Variants in PLAC1 observed in about 807,000 individuals in gnomAD.
PLAC1 encodes the protein placenta associated 1.
For missense variants in PLAC1, 136 were observed against 163.2 expected (o/e 0.83, Z 0.91); for synonymous variants, 68 against 62.1 (o/e 1.09, Z -0.44).
At chrX:134,602,869 G>T (rs886292133) in intron 1 of PLAC1, among the ~76,000 whole-genome samples, 1 of 109,894 alleles carries the variant, frequency 9.1e-6, no homozygotes, top group Non-Finnish European at 1.9e-5. Context: ...TCTATATCAT[G>T]ATTGTGGTGG....
chrX:134,621,071 C>T (rs1044842361), intron 1 of PLAC1, among the ~76,000 whole-genome samples: 5 of 111,338 alleles, frequency 4.5e-5, no homozygotes, highest in African/African-American at 1.6e-4. Context: ...CTTGCCAGAC[C>T]AGTTTGTTTT....
At chrX:134,571,974 A>G (rs1397798004) in intron 2 of PLAC1, among the ~76,000 whole-genome samples, 1 of 111,813 alleles carries the variant, frequency 8.9e-6, no homozygotes, top group Non-Finnish European at 1.9e-5. Flanking sequence ...TATCATTTGT[A>G]TATTGTTTTC....
chrX:134,602,397 T>C (rs73566616), intron 1 of PLAC1, among the ~76,000 whole-genome samples: 1 of 112,058 alleles, frequency 8.9e-6, no homozygotes, highest in Non-Finnish European at 1.9e-5. Context: ...TCTAAAACTG[T>C]GACTAAAGAA....
chrX:134,700,955 C>A (rs1312937477), intron 2 of PLAC1, among the ~76,000 whole-genome samples: 2 of 111,493 alleles, frequency 1.8e-5, no homozygotes, highest in Non-Finnish European at 3.8e-5. Context: ...TCACATGGAA[C>A]CAAAAAAGAG....
At position 134,582,223 on chromosome X, in the gene PLAC1, A is replaced by G. The variant is rs144161022; in HGVS notation, c.-58-15483T>C. 2.9e-3 allele frequency among the ~76,000 whole-genome samples: 332 copies of G among 112,551 alleles called. 7 individuals are homozygous for G. The highest frequency in any genetic ancestry group is 0.01 in the African/African-American group (312 of 30,986). ...GTTCTGCTAAGAAACTAGGGAGCAA[A>G]GAGCTGATTAAAGAAGGTCATGTTT... is the stretch of plus-strand genomic sequence containing the variant. On this transcript the variant is annotated intron_variant, in intron 2 of 2. Coordinates refer to ENST00000359237, the MANE Select transcript of PLAC1 (RefSeq NM_021796.4).
intron 2 of PLAC1, among the ~76,000 whole-genome samples, chrX:134,730,447 A>C (rs1224496793): frequency 9.0e-6 from 1 of 110,652 alleles, no homozygotes; most frequent in Non-Finnish European, 1.9e-5. Flanking sequence ...ACTCAAGATG[A>C]ATTCTTTTTT....
At chrX:134,604,953 TAGTC>T (rs1180708501) in intron 1 of PLAC1, among the ~76,000 whole-genome samples, 3 of 111,790 alleles carry the variant, frequency 2.7e-5, no homozygotes, top group Non-Finnish European at 3.8e-5. Flanking sequence ...CTTGAGCTGA[TAGTC>T]AGAGCAGGCA....
chrX:134,678,045 A>G (rs1158939972), intron 2 of PLAC1, among the ~76,000 whole-genome samples: 2 of 111,725 alleles, frequency 1.8e-5, no homozygotes, highest in African/African-American at 3.3e-5. Context: ...GGATGGAGAC[A>G]GTGCCTCTCC....
chrX:134,697,965 A>C (rs760987681), intron 2 of PLAC1, among the ~76,000 whole-genome samples: 2 of 112,337 alleles, frequency 1.8e-5, no homozygotes, highest in Non-Finnish European at 3.8e-5. Context: ...TGATGTCTTC[A>C]TACTATATAG....
intron 2 of PLAC1, among the ~76,000 whole-genome samples, chrX:134,717,023 C>T (rs550953140): frequency 1.8e-5 from 2 of 111,994 alleles, no homozygotes; most frequent in South Asian, 7.5e-4. Context: ...ATCTTGTATA[C>T]CAACTCCAAG....
chrX:134,572,444 G>A (rs1306957970), intron 2 of PLAC1, among the ~76,000 whole-genome samples: 1 of 112,059 alleles, frequency 8.9e-6, no homozygotes, highest in East Asian at 2.8e-4. Context: ...TAAAGACGCT[G>A]AGACCGGTTT....
At chrX:134,640,127 A>G (rs1411616840) in intron 1 of PLAC1, among the ~76,000 whole-genome samples, 1 of 111,640 alleles carries the variant, frequency 9.0e-6, no homozygotes, top group Non-Finnish European at 1.9e-5. Context: ...TGGTAATTCC[A>G]TGTTTAACTT....
chrX:134,614,579 G>C (rs1023835831), intron 1 of PLAC1, among the ~76,000 whole-genome samples: 11 of 107,382 alleles, frequency 1.0e-4, no homozygotes, highest in Non-Finnish European at 1.7e-4. Flanking sequence ...AGGCTGAATA[G>C]TATTCTGTAT....
intron 1 of PLAC1, among the ~76,000 whole-genome samples, chrX:134,744,468 A>C (rs1037846346): frequency 5.4e-5 from 6 of 111,081 alleles, no homozygotes; most frequent in African/African-American, 1.6e-4. Context: ...TCATTTCTCC[A>C]AGCCTCTGTT....
chrX:134,720,573 T>TA (rs1347936150), intron 2 of PLAC1, among the ~76,000 whole-genome samples: 1 of 110,062 alleles, frequency 9.1e-6, no homozygotes, highest in Non-Finnish European at 1.9e-5. Context: ...GAAGAAAACA[T>TA]AAGTGTAAAT....
chrX:134,680,574 T>G (rs1302704646), intron 2 of PLAC1, among the ~76,000 whole-genome samples: 1 of 99,913 alleles, frequency 1.0e-5, no homozygotes, highest in Non-Finnish European at 2.1e-5. Context: ...TAAACTAAAC[T>G]AAACTAAACT....
intron 2 of PLAC1, among the ~76,000 whole-genome samples, chrX:134,584,997 G>A (rs1282976839): frequency 9.1e-6 from 1 of 110,139 alleles, no homozygotes; most frequent in Non-Finnish European, 1.9e-5. Context: ...TCAGAAAAAC[G>A]GGGCAAGGAT....
At chrX:134,674,283 T>C (rs1037967997) in intron 2 of PLAC1, among the ~76,000 whole-genome samples, 2 of 112,696 alleles carry the variant, frequency 1.8e-5, no homozygotes, top group African/African-American at 6.5e-5. Context: ...AAAACTCATT[T>C]TCTCAGCCTT....
intron 2 of PLAC1, among the ~76,000 whole-genome samples, chrX:134,586,498 C>T (rs4830296): frequency 0.3 from 33,154 of 109,797 alleles, 4,581 homozygotes; most frequent in South Asian, 0.48. Flanking sequence ...CTGTTAAACC[C>T]GAGGGGCCGT....
Sources: allele counts gnomAD v4.1 joint callset (sites outside exome capture counted in the v4.1 genomes callset), GRCh38; gene constraint gnomAD v4.1.1; transcripts MANE v1.5; gene names NCBI Gene and HGNC (gene_info 2026-07-23, HGNC 2026-07-21).